The following TMEM87B variants were observed in gnomAD, a reference collection of about 807,000 sequenced individuals.
TMEM87B encodes the protein transmembrane protein 87B.
A neutral mutation model predicts 80.3 loss-of-function variants in TMEM87B; 83 were observed. That is an observed-to-expected ratio of 1.03 (90% CI 0.87 to 1.24). The LOEUF (loss-of-function observed/expected upper bound fraction) is 1.24, where lower values mean the gene tolerates loss of function less well. TMEM87B is among the 50% of genes most tolerant of loss of function. The probability of loss-of-function intolerance (pLI) is 0.00; values close to 1 mark genes in which losing one functional copy is unlikely to be tolerated. For synonymous variants in TMEM87B, 219 were observed against 230.5 expected (o/e 0.95, Z 0.45); for missense variants, 625 against 674.4 (o/e 0.93, Z 0.81).
intron 6 of TMEM87B, among the ~76,000 whole-genome samples, chr2:112,079,133 A>G (rs1678912273): frequency 6.6e-6 from 1 of 152,182 alleles, no homozygotes; most frequent in African/African-American, 2.4e-5. Flanking sequence ...AACATTTGAA[A>G]TGTACTCTCT....
intron 5 of TMEM87B, among the ~76,000 whole-genome samples, chr2:112,076,842 TTGTGTGTGTGTGTG>T (rs70962982): frequency 0.018 from 2,554 of 139,242 alleles, 26 homozygotes; most frequent in Non-Finnish European, 0.023. Flanking sequence ...CTTTTCTGTT[TTGTGTGTGTGTGTG>T]TGTGTGTGTG....
In TMEM87B at chr2:112,060,021, A is replaced by T. The variant is rs750324523; in HGVS notation, c.210A>T (p.Thr70=). ...TTAGGAAAACTATGTTTAACTCTAC[A>T]GATATCAAGTTATCTGGTAAGTATA... ...LIFRKTMFNS[T]DIKLSVKSFH... is the part of the protein sequence containing the mutation. The change falls in exon 2 of 19, where the codon ACA becomes ACT. Residue 70 remains threonine (T), a synonymous_variant. Transcript: ENST00000283206. 1.3e-6 allele frequency: 2 copies of T among 1,590,518 alleles called. No individual in the cohort carries two copies. Among genetic ancestry groups the T allele is most frequent in the South Asian group, 2.2e-5 (2 of 89,878 alleles).
intron 7 of TMEM87B, 55 bp downstream of exon 7, chr2:112,081,173 A>G: frequency 6.5e-7 from 1 of 1,542,736 alleles, no homozygotes; most frequent in Non-Finnish European, 8.9e-7. Flanking sequence ...ATACCCTAAG[A>G]GCTTTGTGGT....
intron 15 of TMEM87B, among the ~76,000 whole-genome samples, chr2:112,103,601 A>G (rs1445724847): frequency 1.3e-5 from 2 of 152,212 alleles, no homozygotes; most frequent in Non-Finnish European, 2.9e-5. Flanking sequence ...GGTCCAGAAC[A>G]GACAAGTCCG....
At chr2:112,086,377 A>T (rs1679145677) in intron 9 of TMEM87B, among the ~76,000 whole-genome samples, 1 of 152,230 alleles carries the variant, frequency 6.6e-6, no homozygotes, top group African/African-American at 2.4e-5. Context: ...AATAATTCAA[A>T]CCATTTTCAA....
intron 3 of TMEM87B, among the ~76,000 whole-genome samples, chr2:112,066,114 T>C (rs1472773930): frequency 6.6e-6 from 1 of 152,250 alleles, no homozygotes; most frequent in Non-Finnish European, 1.5e-5. Context: ...ATGTTGTGGT[T>C]TTCATCAAAC....
At chr2:112,058,073 C>G (rs370701852) in intron 1 of TMEM87B, among the ~76,000 whole-genome samples, 1 of 152,150 alleles carries the variant, frequency 6.6e-6, no homozygotes, top group Non-Finnish European at 1.5e-5. Context: ...GTGATCCTCC[C>G]GCCTCAGCCT....
rs189244553 is a variant in TMEM87B, at chr2:112,092,327, G to T, written c.1104+544G>T. On this transcript the variant is annotated intron_variant, in intron 11 of 18. Transcript: ENST00000283206. ...AGGAAAACAGAGGGGGACAGTGGCA[G>T]AATGTCCAGGGAAGCCTGCCTCTGG... 2.1e-4 allele frequency among the ~76,000 whole-genome samples: 32 copies of T among 152,324 alleles called. No homozygotes were observed. The East Asian group carries it at 5.8e-3, about 28-fold the overall frequency.
intron 1 of TMEM87B, among the ~76,000 whole-genome samples, chr2:112,058,631 T>C (rs755543031): frequency 1.2e-4 from 18 of 152,204 alleles, no homozygotes; most frequent in Non-Finnish European, 2.4e-4. Flanking sequence ...GTAGCTACTT[T>C]AGGATGTGAA....
rs61341379 is a variant in TMEM87B, at chr2:112,079,926, C to CTTTTTT, written c.593-1115_593-1110dup. ...TTTGAGAAACATCTAGGTCCCTTGC[C>CTTTTTT]TTTTTTTTTTTTTTTTTTTTTGAGA... On this transcript the variant is annotated intron_variant, in intron 6 of 18. Transcript: ENST00000283206. Among the ~76,000 whole-genome samples the CTTTTTT allele has an allele frequency of 2.1e-4, 18 of 84,026 alleles. 2 individuals carry two copies. Among genetic ancestry groups the CTTTTTT allele is most frequent in the Non-Finnish European group, 3.1e-4 (14 of 44,892 alleles). The allele number at this position is 84,026 out of a possible 152,430, so 55.1% of individuals were successfully genotyped here.
intron 9 of TMEM87B, among the ~76,000 whole-genome samples, chr2:112,087,096 A>G (rs961947690): frequency 6.6e-6 from 1 of 151,880 alleles, no homozygotes; most frequent in African/African-American, 2.4e-5. Context: ...CCCATCTTAT[A>G]TCCTTACCTT....
chr2:112,064,319 G>T (rs763186927), intron 3 of TMEM87B, 66 bp downstream of exon 3: 7 of 1,323,640 alleles, frequency 5.3e-6, no homozygotes, highest in Non-Finnish European at 7.5e-6. Context: ...ATAAAGATTA[G>T]CTCATCAAGC....
At chr2:112,102,785 A>G (rs932963190) in intron 15 of TMEM87B, among the ~76,000 whole-genome samples, 1 of 152,166 alleles carries the variant, frequency 6.6e-6, no homozygotes, top group Non-Finnish European at 1.5e-5. Context: ...GGTACAAATA[A>G]CAAAAGCCTC....
At chr2:112,092,962 A>G (rs1225642430) in intron 11 of TMEM87B, among the ~76,000 whole-genome samples, 5 of 152,072 alleles carry the variant, frequency 3.3e-5, no homozygotes, top group Non-Finnish European at 5.9e-5. Context: ...GATAGGTTTC[A>G]TTTTTTGCCA....
chr2:112,055,638 G>GCCGCTGCTTTCCCGCCCGGGCC lies in TMEM87B; in HGVS notation c.56_77dup (p.Arg27SerfsTer26), dbSNP rs1377018129. ...GTAGCCGGGCTCCTGCCACGCCGCC[G>GCCGCTGCTTTCCCGCCCGGGCC]CCGCTGCTTTCCCGCCCGGGCCCCG... On this transcript the variant is annotated frameshift_variant, in exon 1 of 19. Transcript: ENST00000283206. LOFTEE classifies it high-confidence loss of function. 6.4e-7 allele frequency: 1 copy of GCCGCTGCTTTCCCGCCCGGGCC among 1,556,462 alleles called. No homozygotes were observed. Among genetic ancestry groups the GCCGCTGCTTTCCCGCCCGGGCC allele is most frequent in the Admixed American group, 1.9e-5 (1 of 53,002 alleles).
At position 112,055,289 on chromosome 2, in the gene TMEM87B, C is replaced by T. The variant is rs991986622; in HGVS notation, c.-303C>T. 17 of 441,508 alleles carry T rather than the reference C, an allele frequency of 3.9e-5. No homozygotes were observed. The highest frequency in any genetic ancestry group is 2.7e-4 in the African/African-American group (13 of 48,038). The allele number at this position is 441,508 out of a possible 1,614,324, so 27.3% of individuals were successfully genotyped here. A position where few individuals can be genotyped will look rare whatever the true frequency, so the allele number is the denominator to read the frequency against. On this transcript the variant is annotated 5_prime_UTR_variant, in exon 1 of 19. Coordinates refer to ENST00000283206, the MANE Select transcript of TMEM87B (RefSeq NM_032824.3). ...CTTCTATCTTCACGCCCACGCTAGGCCCTGAGCCCAGCCTCCACGTCTCGC... is the reference window on the plus strand; with the variant it reads ...CTTCTATCTTCACGCCCACGCTAGGTCCTGAGCCCAGCCTCCACGTCTCGC...
In TMEM87B at chr2:112,061,896, A is replaced by G. The variant is rs117303164; in HGVS notation, c.226+1859A>G. ...GGAGAGGTTTTCTTGAACCATGACC[A>G]CAGCTATGACATGGGGCTGGCAGTT... is the stretch of plus-strand genomic sequence containing the variant. On this transcript the variant is annotated intron_variant, in intron 2 of 18. Transcript: ENST00000283206. 1.8e-3 allele frequency among the ~76,000 whole-genome samples: 281 copies of G among 152,320 alleles called. 5 individuals carry two copies. In the East Asian group the frequency reaches 0.045, roughly 25 times the overall value.
At chr2:112,060,805 G>T (rs375798560) in intron 2 of TMEM87B, among the ~76,000 whole-genome samples, 2 of 152,100 alleles carry the variant, frequency 1.3e-5, no homozygotes, top group African/African-American at 4.8e-5. Flanking sequence ...CCAAAGTGCT[G>T]GGATTACAGG....
chr2:112,091,857 A>T, intron 11 of TMEM87B, 74 bp downstream of exon 11: 1 of 1,172,788 alleles, frequency 8.5e-7, no homozygotes, highest in Non-Finnish European at 1.2e-6. Flanking sequence ...TGTAATAACA[A>T]TAGAAAGAAA....
Sources: gnomAD v4.1 joint callset for allele counts (sites outside exome capture counted in the v4.1 genomes callset) on GRCh38, gnomAD v4.1.1 for gene constraint, MANE v1.5 for transcripts, NCBI Gene and HGNC (gene_info 2026-07-23, HGNC 2026-07-21) for gene names.